EYA2: variants seen among roughly 807,000 people sequenced by gnomAD.
The protein encoded by EYA2 is EYA transcriptional coactivator and phosphatase 2.
A neutral mutation model predicts 69.2 loss-of-function variants in EYA2; 31 were observed. That is an observed-to-expected ratio of 0.45 (90% CI 0.34 to 0.60). The LOEUF (loss-of-function observed/expected upper bound fraction) is 0.60. Among genes scored for constraint, EYA2 ranks in the 20% least tolerant of loss-of-function variants. The pLI is 0.02. For synonymous variants in EYA2, 257 were observed against 279.4 expected (o/e 0.92, Z 0.80); for missense variants, 622 against 701.2 (o/e 0.89, Z 1.28).
At chr20:46,974,159 G>A (rs949523611) in intron 1 of EYA2, among the ~76,000 whole-genome samples, 3 of 152,110 alleles carry the variant, frequency 2.0e-5, no homozygotes, top group Non-Finnish European at 4.4e-5. Context: ...AATATGAAAG[G>A]CACTTAAAAC....
chr20:47,133,043 G>A (rs923670686), intron 9 of EYA2, among the ~76,000 whole-genome samples: 4 of 152,166 alleles, frequency 2.6e-5, no homozygotes, highest in African/African-American at 7.2e-5. Flanking sequence ...GATTATAAGC[G>A]ACAGAAATTC....
chr20:46,918,449 C>T (rs965596971), intron 1 of EYA2, among the ~76,000 whole-genome samples: 3 of 152,124 alleles, frequency 2.0e-5, no homozygotes, highest in Non-Finnish European at 2.9e-5. Flanking sequence ...ACTGGGACTA[C>T]AGGCACATGT....
intron 5 of EYA2, among the ~76,000 whole-genome samples, chr20:47,046,637 A>G (rs2030054231): frequency 6.6e-6 from 1 of 152,278 alleles, no homozygotes; most frequent in South Asian, 2.1e-4. Context: ...CCAAGCGTGT[A>G]TGGATTTCAT....
intron 1 of EYA2, among the ~76,000 whole-genome samples, chr20:46,970,038 G>A (rs1278105969): frequency 8.5e-5 from 13 of 152,118 alleles, no homozygotes; most frequent in African/African-American, 1.9e-4. Flanking sequence ...ATGTTCTTCC[G>A]TCGGATCTTC....
chr20:47,053,093 G>A (rs1170583076), intron 5 of EYA2, among the ~76,000 whole-genome samples: 1 of 152,064 alleles, frequency 6.6e-6, no homozygotes, highest in East Asian at 1.9e-4. Context: ...TCCATGGTGG[G>A]CCTTACGTAG....
intron 5 of EYA2, among the ~76,000 whole-genome samples, chr20:47,023,632 GTTTTTT>G (rs60939329): frequency 5.5e-5 from 5 of 90,116 alleles, no homozygotes; most frequent in South Asian, 3.9e-4. Flanking sequence ...GATTTTGGGT[GTTTTTT>G]TTTTTTTTTT....
chr20:46,916,104 G>A (rs1381273060), intron 1 of EYA2, among the ~76,000 whole-genome samples: 5 of 152,050 alleles, frequency 3.3e-5, no homozygotes, highest in African/African-American at 7.2e-5. Context: ...GTTGAAAATC[G>A]CTGGCCCCTT....
chr20:47,182,707 G>A (rs997220920), intron 14 of EYA2, among the ~76,000 whole-genome samples: 2 of 150,864 alleles, frequency 1.3e-5, no homozygotes, highest in African/African-American at 4.9e-5. Flanking sequence ...ACACTGAGGT[G>A]AGCAGATCAC....
chr20:47,021,639 A>G (rs1249784071), intron 5 of EYA2, among the ~76,000 whole-genome samples: 1 of 151,594 alleles, frequency 6.6e-6, no homozygotes, highest in Non-Finnish European at 1.5e-5. Context: ...AAAAAAAAAA[A>G]AAAAAGGCAA....
Position 46,944,040 on chromosome 20 carries a change from T to A in EYA2, c.-10-45961T>A, listed in dbSNP as rs147844754. 5.3e-5 allele frequency among the ~76,000 whole-genome samples: 8 copies of A among 152,250 alleles called. No individual in the cohort carries two copies. The East Asian group carries it at 1.5e-3, about 29-fold the overall frequency. ...AAGTTCCCAGGGTTAGCCTGGAGCCTCCCAACCCTAGACCTTGAGCAACCT... is the reference window on the plus strand; with the variant it reads ...AAGTTCCCAGGGTTAGCCTGGAGCCACCCAACCCTAGACCTTGAGCAACCT... On this transcript the variant is annotated intron_variant, in intron 1 of 15. Coordinates refer to ENST00000327619, the MANE Select transcript of EYA2 (RefSeq NM_005244.5).
intron 1 of EYA2, among the ~76,000 whole-genome samples, chr20:46,923,543 T>G (rs1018740303): frequency 6.6e-6 from 1 of 152,216 alleles, no homozygotes; most frequent in Non-Finnish European, 1.5e-5. Flanking sequence ...TGTGTCAGTG[T>G]TAAAGTGATT....
intron 5 of EYA2, among the ~76,000 whole-genome samples, chr20:47,039,881 C>G (rs188817935): frequency 0.014 from 1,711 of 122,316 alleles, 33 homozygotes; most frequent in African/African-American, 0.049. Flanking sequence ...TGCTCCGTCA[C>G]CCAGGCTGGA....
intron 3 of EYA2, among the ~76,000 whole-genome samples, chr20:47,003,084 G>A (rs181595165): frequency 5.3e-5 from 8 of 152,302 alleles, no homozygotes; most frequent in African/African-American, 1.2e-4. Flanking sequence ...TTACCTGTAC[G>A]CTTAACCCAG....
intron 1 of EYA2, among the ~76,000 whole-genome samples, chr20:46,900,783 T>G (rs1984062550): frequency 6.6e-6 from 1 of 152,240 alleles, no homozygotes; most frequent in South Asian, 2.1e-4. Context: ...TTCCAAATTT[T>G]TAGATTGTGC....
chr20:47,116,821 T>C (rs1271978784), intron 9 of EYA2, among the ~76,000 whole-genome samples: 1 of 152,154 alleles, frequency 6.6e-6, no homozygotes, highest in African/African-American at 2.4e-5. Flanking sequence ...ACATCGAGGA[T>C]GTATGAATGC....
At chr20:46,992,365 A>G (rs945564882) in intron 2 of EYA2, among the ~76,000 whole-genome samples, 2 of 152,208 alleles carry the variant, frequency 1.3e-5, no homozygotes, top group Non-Finnish European at 2.9e-5. Context: ...TTGAACCTAG[A>G]TAGTCTGACT....
intron 9 of EYA2, among the ~76,000 whole-genome samples, chr20:47,139,536 A>G (rs184262671): frequency 0.017 from 2,623 of 151,812 alleles, 114 homozygotes; most frequent in East Asian, 0.17. Flanking sequence ...GGGTTCAAGC[A>G]ATTCTGCCTC....
intron 1 of EYA2, among the ~76,000 whole-genome samples, chr20:46,981,649 CTT>C (rs1415321392): frequency 1.3e-5 from 2 of 152,112 alleles, no homozygotes; most frequent in African/African-American, 4.8e-5. Flanking sequence ...AAAAAATAAA[CTT>C]TTAAATTATC....
chr20:46,939,348 T>C (rs970742424), intron 1 of EYA2, among the ~76,000 whole-genome samples: 14 of 152,164 alleles, frequency 9.2e-5, no homozygotes, highest in African/African-American at 3.4e-4. Context: ...CAGGAGAGGC[T>C]TCCTGAGAAT....
Sources: allele counts gnomAD v4.1 joint callset (sites outside exome capture counted in the v4.1 genomes callset), GRCh38; gene constraint gnomAD v4.1.1; transcripts MANE v1.5; gene names NCBI Gene and HGNC (gene_info 2026-07-23, HGNC 2026-07-21).